ADAM18: variants seen among roughly 807,000 people sequenced by gnomAD.
ADAM18 encodes the protein disintegrin and metalloproteinase domain-containing protein 18.
ADAM18 carries 117 observed loss-of-function variants against 94.4 expected under a neutral mutation model. The ratio of observed to expected loss-of-function variants is 1.24; its 90% CI spans 1.07 to 1.45. The LOEUF is 1.45. ADAM18 is among the 40% of genes most tolerant of loss of function. The pLI is 0.00. For missense variants in ADAM18, 936 were observed against 880.0 expected (o/e 1.06, Z -0.81); for synonymous variants, 327 against 291.6 (o/e 1.12, Z -1.24).
At chr8:39,698,990 A>G (rs1008355040) in intron 17 of ADAM18, among the ~76,000 whole-genome samples, 2 of 152,080 alleles carry the variant, frequency 1.3e-5, no homozygotes, top group Non-Finnish European at 2.9e-5. Context: ...TTAGGGAGAT[A>G]ATGGCTGTAT....
In ADAM18 at chr8:39,661,156, T is replaced by TC. The variant is rs1479733152; in HGVS notation, c.1231-2639_1231-2638insC. On this transcript the variant is annotated intron_variant, in intron 12 of 19. Coordinates refer to ENST00000265707, the MANE Select transcript of ADAM18 (RefSeq NM_014237.3). The stretch of plus-strand genomic sequence containing the variant: ...AAAAACAACTGTTTCTTCTTCTTCT[T>TC]TTTTTTTTTTTTTTTTGAGGGAGTC... Among the ~76,000 whole-genome samples, 44 of 102,458 alleles carry TC rather than the reference T, an allele frequency of 4.3e-4. 1 individual carries two copies. The highest frequency in any genetic ancestry group is 8.7e-4 in the African/African-American group (17 of 19,630). The allele number at this position is 102,458 out of a possible 152,430, so 67.2% of individuals were successfully genotyped here. A position where few individuals can be genotyped will look rare whatever the true frequency, so the allele number is the denominator to read the frequency against.
At position 39,677,911 on chromosome 8, in the gene ADAM18, G is replaced by A. The variant is rs377728251; in HGVS notation, c.1631+375G>A. The stretch of plus-strand genomic sequence containing the variant: ...ACATAGAATTGTTGAGAAGAAGAAA[G>A]CTATTTTTGTTTTTGCTAATTGTGT... On this transcript the variant is annotated intron_variant, in intron 15 of 19. Transcript: ENST00000265707. Among the ~76,000 whole-genome samples, 72 of 152,210 alleles carry A rather than the reference G, an allele frequency of 4.7e-4. No individual in the cohort carries two copies. In the South Asian group the frequency reaches 0.015, roughly 31 times the overall value.
At chr8:39,638,741 A>T (rs1327294231) in intron 10 of ADAM18, among the ~76,000 whole-genome samples, 195 bp downstream of exon 10, 1 of 151,918 alleles carries the variant, frequency 6.6e-6, no homozygotes, top group African/African-American at 2.4e-5. Flanking sequence ...AAACACAAAG[A>T]ATATTATGTG....
intron 17 of ADAM18, among the ~76,000 whole-genome samples, chr8:39,693,078 T>C (rs1052170913): frequency 6.6e-6 from 1 of 151,614 alleles, no homozygotes; most frequent in Non-Finnish European, 1.5e-5. Context: ...AGACTTCCAA[T>C]AGGAAATGCA....
At chr8:39,629,932 A>C (rs923247506) in intron 7 of ADAM18, among the ~76,000 whole-genome samples, 1 of 151,696 alleles carries the variant, frequency 6.6e-6, no homozygotes, top group Non-Finnish European at 1.5e-5. Flanking sequence ...TTTGACTTTA[A>C]CTCCTAATGG....
intron 6 of ADAM18, among the ~76,000 whole-genome samples, chr8:39,614,006 C>T (rs770782905): frequency 7.9e-5 from 12 of 152,120 alleles, no homozygotes; most frequent in Middle Eastern, 3.4e-3. Context: ...CATTGTCATC[C>T]CTGAAATGGA....
chr8:39,640,262 T>G (rs1820200510), intron 10 of ADAM18, among the ~76,000 whole-genome samples: 1 of 152,272 alleles, frequency 6.6e-6, no homozygotes, highest in Middle Eastern at 3.4e-3. Context: ...CTCCCACTTA[T>G]AAGTGAGAAT....
intron 18 of ADAM18, among the ~76,000 whole-genome samples, chr8:39,719,143 C>G (rs962815396): frequency 3.3e-5 from 5 of 151,146 alleles, no homozygotes; most frequent in African/African-American, 4.8e-5. Context: ...AACAGACATA[C>G]AGGTCAGTAA....
chr8:39,677,563 T>TGGCCGGGCGCGG, intron 15 of ADAM18, 27 bp downstream of exon 15: 1 of 1,504,888 alleles, frequency 6.6e-7, no homozygotes, highest in Non-Finnish European at 9.0e-7. Flanking sequence ...TGATTGCTTC[T>TGGCCGGGCGCGG]TTGAATCATA....
chr8:39,620,072 CTTTTTTA>C (rs1819562771), intron 6 of ADAM18, among the ~76,000 whole-genome samples: 1 of 151,884 alleles, frequency 6.6e-6, no homozygotes. Flanking sequence ...TACAGCCATC[CTTTTTTA>C]TTTTTTATTT....
chr8:39,728,419 G>C (rs1822981501), intron 19 of ADAM18, among the ~76,000 whole-genome samples: 1 of 152,100 alleles, frequency 6.6e-6, no homozygotes, highest in Admixed American at 6.6e-5. Flanking sequence ...TGCCTTCAGT[G>C]ATGTATAGTA....
At chr8:39,635,236 G>T (rs1346492473) in intron 7 of ADAM18, among the ~76,000 whole-genome samples, 1 of 152,104 alleles carries the variant, frequency 6.6e-6, no homozygotes, top group Non-Finnish European at 1.5e-5. Flanking sequence ...TTCTTTTGTA[G>T]CAGGGCAAAT....
chr8:39,712,969 C>T (rs929927544), intron 18 of ADAM18, among the ~76,000 whole-genome samples: 1 of 152,108 alleles, frequency 6.6e-6, no homozygotes, highest in African/African-American at 2.4e-5. Flanking sequence ...CAAAAAAGAG[C>T]CCACATTGCC....
chr8:39,627,451 GAC>G (rs916624748), intron 6 of ADAM18, among the ~76,000 whole-genome samples: 3 of 152,086 alleles, frequency 2.0e-5, no homozygotes, highest in Non-Finnish European at 4.4e-5. Context: ...TTTAGGTGGG[GAC>G]ACAGTCAAAC....
intron 7 of ADAM18, among the ~76,000 whole-genome samples, chr8:39,633,780 T>G (rs1819998035): frequency 6.9e-6 from 1 of 144,044 alleles, no homozygotes; most frequent in Admixed American, 7.2e-5. Context: ...ATTTTATAAT[T>G]AAAATGGAAG....
intron 10 of ADAM18, among the ~76,000 whole-genome samples, chr8:39,639,043 A>T (rs184319236): frequency 2.2e-4 from 33 of 152,050 alleles, no homozygotes; most frequent in African/African-American, 7.9e-4. Flanking sequence ...CATCTTTCTC[A>T]ATTAGAAAAT....
chr8:39,699,713 T>A (rs1822012329), intron 17 of ADAM18, among the ~76,000 whole-genome samples: 2 of 152,072 alleles, frequency 1.3e-5, no homozygotes, highest in African/African-American at 4.8e-5. Flanking sequence ...AGGTATTGAG[T>A]CTGATGGCCT....
At chr8:39,668,280 T>A (rs763654950) in intron 14 of ADAM18, 84 bp downstream of exon 14, 1 of 1,266,478 alleles carries the variant, frequency 7.9e-7, no homozygotes, top group African/African-American at 1.5e-5. Flanking sequence ...ACTCTAGAAG[T>A]GGAAGAAACT....
chr8:39,646,235 C>T (rs889852491), intron 11 of ADAM18, among the ~76,000 whole-genome samples: 1 of 152,074 alleles, frequency 6.6e-6, no homozygotes, highest in African/African-American at 2.4e-5. Flanking sequence ...TGCTATAGTG[C>T]TGTCTAATAC....
Sources: gnomAD v4.1 joint callset for allele counts (sites outside exome capture counted in the v4.1 genomes callset) on GRCh38, gnomAD v4.1.1 for gene constraint, MANE v1.5 for transcripts, NCBI Gene and HGNC (gene_info 2026-07-23, HGNC 2026-07-21) for gene names.